Variants in PHF14 observed in about 807,000 individuals in gnomAD.
The protein encoded by PHF14 is PHD finger protein 14.
PHF14 carries 55 observed loss-of-function variants against 117.9 expected under a neutral mutation model. The ratio of observed to expected loss-of-function variants is 0.47; its 90% CI spans 0.38 to 0.58. PHF14 has a LOEUF of 0.58. Ranked by LOEUF, PHF14 falls within the 20% of genes least tolerant of loss-of-function variation. The pLI, the probability that PHF14 is intolerant of heterozygous loss-of-function variation, is 0.00. For synonymous variants in PHF14, 409 were observed against 368.6 expected (o/e 1.11, Z -1.26); for missense variants, 978 against 1,122.2 (o/e 0.87, Z 1.84).
In PHF14 at chr7:10,983,131, T is replaced by A; in HGVS notation, c.872T>A (p.Leu291Gln). The change falls in exon 3 of 18, where the codon CTG (leucine) becomes CAG (glutamine). Residue 291 changes from leucine (L) to glutamine (Q), a missense_variant. Physicochemically the swap from Leu to Gln is moderately radical, Grantham distance 113 (BLOSUM62 -2). Coordinates refer to ENST00000634607, the MANE Select transcript of PHF14 (RefSeq NM_001007157.2). ...GATGAGGAACTGACCAATGATAGCC[T>A]GACCCTATCTCAAAGCAAGAGTAAT... ...ADDEELTNDSLTLSQSKSNED... is the reference protein window; with the variant it reads ...ADDEELTNDSQTLSQSKSNED... The A allele has an allele frequency of 6.3e-7, 1 of 1,597,566 alleles. No homozygotes were observed. The highest frequency in any genetic ancestry group is 8.5e-7 in the Non-Finnish European group (1 of 1,178,470).
intron 4 of PHF14, among the ~76,000 whole-genome samples, chr7:11,003,031 C>G (rs1198065746): frequency 6.6e-6 from 1 of 152,076 alleles, no homozygotes; most frequent in Non-Finnish European, 1.5e-5. Flanking sequence ...ACTGTCGCCT[C>G]CCAGCTTCAA....
chr7:11,086,391 G>T (rs1786410994), intron 16 of PHF14, among the ~76,000 whole-genome samples: 1 of 152,044 alleles, frequency 6.6e-6, no homozygotes, highest in African/African-American at 2.4e-5. Context: ...AAACTAACCT[G>T]TTGCTTTTAT....
At position 10,990,848 on chromosome 7, in the gene PHF14, G is replaced by GTAA; in HGVS notation, c.1045+3_1045+5dup. ...AATTGTGGCATTACAGTCCATGAAG[G>GTAA]TAATGTTGCTTTCTTTTCTCTCTTT... On this transcript the variant is annotated splice_donor_variant, in intron 4 of 17. Coordinates refer to ENST00000634607, the MANE Select transcript of PHF14 (RefSeq NM_001007157.2). LOFTEE classifies it high-confidence loss of function. 1 of 1,573,678 alleles carries GTAA rather than the reference G, an allele frequency of 6.4e-7. No individual in the cohort carries two copies.
chr7:11,066,179 T>C (rs933007623), intron 16 of PHF14, among the ~76,000 whole-genome samples: 65 of 152,310 alleles, frequency 4.3e-4, no homozygotes, highest in African/African-American at 1.5e-3. Context: ...CCAACTAAAT[T>C]TGTTTGTGTC....
At chr7:11,026,120 A>T (rs1783902553) in intron 6 of PHF14, among the ~76,000 whole-genome samples, 1 of 151,756 alleles carries the variant, frequency 6.6e-6, no homozygotes, top group South Asian at 2.1e-4. Context: ...AAAAAAAAAA[A>T]AAAAAAAGAG....
At chr7:11,138,725 T>C (rs1788317125) in intron 17 of PHF14, among the ~76,000 whole-genome samples, 1 of 152,346 alleles carries the variant, frequency 6.6e-6, no homozygotes, top group South Asian at 2.1e-4. Flanking sequence ...AGATAAGTGC[T>C]CAAAGTCTTA....
At chr7:11,125,933 T>TA (rs2128347442) in intron 17 of PHF14, among the ~76,000 whole-genome samples, 2 of 152,232 alleles carry the variant, frequency 1.3e-5, no homozygotes, top group South Asian at 4.1e-4. Context: ...GAAAACTCTT[T>TA]AAAGTATGCT....
intron 16 of PHF14, among the ~76,000 whole-genome samples, chr7:11,079,500 A>G (rs1485704715): frequency 2.0e-5 from 3 of 152,156 alleles, no homozygotes; most frequent in Admixed American, 6.5e-5. Flanking sequence ...AATAATAGTA[A>G]CATTTCCCTT....
chr7:11,073,664 A>T (rs924458901), intron 16 of PHF14, among the ~76,000 whole-genome samples: 2 of 152,048 alleles, frequency 1.3e-5, no homozygotes, highest in African/African-American at 4.8e-5. Context: ...CCTGGTAGGG[A>T]TTCTGTGTGA....
intron 3 of PHF14, 31 bp downstream of exon 3, chr7:10,983,190 T>C (rs757443889): frequency 6.4e-7 from 1 of 1,554,322 alleles, no homozygotes; most frequent in Non-Finnish European, 8.6e-7. Flanking sequence ...TATCTGTCTG[T>C]CTGGGGAAAA....
intron 17 of PHF14, among the ~76,000 whole-genome samples, chr7:11,120,984 A>G (rs1482088413): frequency 6.6e-6 from 1 of 152,166 alleles, no homozygotes; most frequent in African/African-American, 2.4e-5. Context: ...GGTCATTAAA[A>G]CTGTAAACTT....
In PHF14 at chr7:11,122,738, T is replaced by C. The variant is rs1787813359; in HGVS notation, c.2772+11271T>C. Among the ~76,000 whole-genome samples, 2 of 152,188 alleles carry C rather than the reference T, an allele frequency of 1.3e-5. 1 individual carries two copies. The highest frequency in any genetic ancestry group is 4.1e-4 in the South Asian group (2 of 4,834). ...TGCCATTAACAAATAAGGCAAATTA[T>C]AAGAGTATGGTCCACATTGTCCTTC... On this transcript the variant is annotated intron_variant, in intron 17 of 17. Coordinates refer to ENST00000634607, the MANE Select transcript of PHF14 (RefSeq NM_001007157.2).
chr7:11,110,631 A>T (rs561499461), intron 16 of PHF14: 1 of 530,934 alleles, frequency 1.9e-6, no homozygotes, highest in African/African-American at 2.1e-5. Context: ...TGTACTAGGA[A>T]GTACTTTGTA....
At chr7:11,128,889 A>G (rs1788009111) in intron 17 of PHF14, among the ~76,000 whole-genome samples, 1 of 151,802 alleles carries the variant, frequency 6.6e-6, no homozygotes, top group African/African-American at 2.4e-5. Flanking sequence ...TTGCCCTACA[A>G]TCCTTAGGCC....
chr7:11,021,890 C>CA (rs1359889268), intron 5 of PHF14, among the ~76,000 whole-genome samples: 1 of 152,044 alleles, frequency 6.6e-6, no homozygotes. Flanking sequence ...TAATGCACCA[C>CA]AAAAACCAGA....
intron 16 of PHF14, among the ~76,000 whole-genome samples, chr7:11,088,973 A>G (rs981228832): frequency 2.0e-5 from 3 of 152,156 alleles, no homozygotes; most frequent in East Asian, 1.9e-4. Context: ...ATTATTTTAG[A>G]ATGGTAGGAG....
intron 17 of PHF14, among the ~76,000 whole-genome samples, chr7:11,117,470 A>C (rs1583478872): frequency 6.6e-6 from 1 of 151,794 alleles, no homozygotes; most frequent in Admixed American, 6.6e-5. Context: ...CTCAATAATC[A>C]TTTGTATTAA....
At chr7:11,166,862 C>T (rs911333149) in intron 17 of PHF14, among the ~76,000 whole-genome samples, 3 of 152,082 alleles carry the variant, frequency 2.0e-5, no homozygotes, top group African/African-American at 4.8e-5. Flanking sequence ...ATGTACCTGT[C>T]CTGAACAGCA....
intron 16 of PHF14, among the ~76,000 whole-genome samples, chr7:11,081,904 AT>A (rs940042214): frequency 3.3e-5 from 5 of 151,930 alleles, no homozygotes; most frequent in Non-Finnish European, 5.9e-5. Flanking sequence ...AAATATTTTT[AT>A]TTCATTTTAA....
Sources: allele counts gnomAD v4.1 joint callset (sites outside exome capture counted in the v4.1 genomes callset), GRCh38; gene constraint gnomAD v4.1.1; transcripts MANE v1.5; gene names NCBI Gene and HGNC (gene_info 2026-07-23, HGNC 2026-07-21).